RGS6: variants seen among roughly 807,000 people sequenced by gnomAD.
The protein encoded by RGS6 is regulator of G-protein signaling 6.
Under a neutral mutation model 78.5 loss-of-function variants are expected in RGS6, and 30 were observed. That is an observed-to-expected ratio of 0.38 (90% CI 0.29 to 0.52). The LOEUF is 0.52. RGS6 is among the 20% of genes least tolerant of loss of function. RGS6 has a pLI of 0.85. For synonymous variants in RGS6, 206 were observed against 206.0 expected, an observed-to-expected ratio of 1.00 and a Z score of 0.00; for missense variants, 495 against 609.7, an observed-to-expected ratio of 0.81 and a Z score of 1.98.
intron 3 of RGS6, among the ~76,000 whole-genome samples, chr14:72,396,524 G>C (rs1434696288): frequency 6.6e-6 from 1 of 152,016 alleles, no homozygotes; most frequent in Non-Finnish European, 1.5e-5. Flanking sequence ...GGTTTCTTTT[G>C]CTGTGCAGAA....
At chr14:72,608,115 G>A in the RGS6 span, among the ~76,000 whole-genome samples, 1 of 152,108 alleles carries the variant, frequency 6.6e-6, no homozygotes, top group African/African-American at 2.4e-5. Context: ...TTTCCCCCTT[G>A]ACCCCGTTCA....
At chr14:72,212,736 TGTA>T (rs1048032425) in intron 2 of RGS6, among the ~76,000 whole-genome samples, 22 of 152,186 alleles carry the variant, frequency 1.4e-4, no homozygotes, top group African/African-American at 5.3e-4. Flanking sequence ...TCTCTAGTCT[TGTA>T]GTTGGACACA....
chr14:72,126,361 T>C (rs958400597), intron 2 of RGS6, among the ~76,000 whole-genome samples: 1 of 152,228 alleles, frequency 6.6e-6, no homozygotes, highest in African/African-American at 2.4e-5. Context: ...GCCATTTGGC[T>C]TGTGTAGACT....
chr14:72,514,546 A>T (rs2096917339), intron 14 of RGS6, among the ~76,000 whole-genome samples: 5 of 152,196 alleles, frequency 3.3e-5, no homozygotes. Context: ...GTGGTATCTG[A>T]GCCCAGGCTG....
intron 3 of RGS6, among the ~76,000 whole-genome samples, chr14:72,447,566 G>A (rs2095396391): frequency 6.6e-6 from 1 of 152,198 alleles, no homozygotes; most frequent in African/African-American, 2.4e-5. Flanking sequence ...TTAGACACTT[G>A]GCTGGTATGA....
chr14:72,243,651 A>G (rs1227277743), intron 2 of RGS6, among the ~76,000 whole-genome samples: 1 of 152,204 alleles, frequency 6.6e-6, no homozygotes, highest in African/African-American at 2.4e-5. Flanking sequence ...TTTAGATTTA[A>G]TATGAAGGCA....
chr14:72,329,464 C>A (rs571647546), intron 2 of RGS6, among the ~76,000 whole-genome samples: 1 of 152,374 alleles, frequency 6.6e-6, no homozygotes, highest in South Asian at 2.1e-4. Flanking sequence ...AGCACAGAGG[C>A]AGGCGGCCTG....
At chr14:72,301,702 C>T (rs2066100270) in intron 2 of RGS6, among the ~76,000 whole-genome samples, 1 of 152,102 alleles carries the variant, frequency 6.6e-6, no homozygotes, top group African/African-American at 2.4e-5. Context: ...GAATCTGTGC[C>T]ACACCTCTTC....
In RGS6 at chr14:72,428,312, A is replaced by C. The variant is rs76767971; in HGVS notation, c.185-26216A>C. ...GTTACAGGTCACCTAATACATATTT[A>C]TGTATTAGTTGGATCAGAGGATGGA... On this transcript the variant is annotated intron_variant, in intron 3 of 17. Transcript: ENST00000553525. Among the ~76,000 whole-genome samples, 444 of 152,234 alleles carry C rather than the reference A, an allele frequency of 2.9e-3. 2 individuals are homozygous for C. The highest frequency in any genetic ancestry group is 0.01 in the African/African-American group (426 of 41,530).
chr14:72,056,964 G>A (rs1445577670), intron 2 of RGS6, among the ~76,000 whole-genome samples: 1 of 152,018 alleles, frequency 6.6e-6, no homozygotes, highest in African/African-American at 2.4e-5. Context: ...AAATGCTAAG[G>A]TATCATATGT....
intron 3 of RGS6, among the ~76,000 whole-genome samples, chr14:72,360,859 T>A (rs1291119203): frequency 6.6e-6 from 1 of 152,112 alleles, no homozygotes. Flanking sequence ...GGGAGATACC[T>A]GGTAAGAGGT....
chr14:72,510,347 ATC>A (rs5809578), intron 14 of RGS6, 68 bp downstream of exon 14: 1,273 of 1,167,810 alleles, frequency 1.1e-3, no homozygotes, highest in African/African-American at 1.9e-3. Flanking sequence ...CGGTCTCTCC[ATC>A]TCTCTCTCTC....
chr14:72,160,601 GT>G (rs1444963686), intron 2 of RGS6, among the ~76,000 whole-genome samples: 6 of 152,208 alleles, frequency 3.9e-5, no homozygotes, highest in Admixed American at 6.5e-5. Context: ...AGGTGATTAA[GT>G]TAAAGTGAAA....
chr14:71,901,910 A>G, the RGS6 span, among the ~76,000 whole-genome samples: 1 of 152,362 alleles, frequency 6.6e-6, no homozygotes, highest in Admixed American at 6.5e-5. Context: ...TAAAATGTGA[A>G]GAAAACCTTT....
intron 15 of RGS6, among the ~76,000 whole-genome samples, chr14:72,524,133 G>T (rs2097089903): frequency 6.6e-6 from 1 of 152,160 alleles, no homozygotes; most frequent in South Asian, 2.1e-4. Flanking sequence ...ACTCTCTGGG[G>T]TTTCGTAATT....
chr14:72,499,137 G>A (rs1273376767), intron 13 of RGS6, among the ~76,000 whole-genome samples: 1 of 152,074 alleles, frequency 6.6e-6, no homozygotes. Context: ...CCAACAAGTC[G>A]ACTCTTCTCC....
In RGS6 at chr14:72,047,123, C is replaced by T. The variant is rs375165896; in HGVS notation, c.84+82248C>T. ...GTAGACAGCTGTTCTTGTGACACGA[C>T]ATAATGCACACTGAGCACGGTGACA... is the stretch of plus-strand genomic sequence containing the variant. On this transcript the variant is annotated intron_variant, in intron 2 of 17. Coordinates refer to ENST00000553525, the MANE Select transcript of RGS6 (RefSeq NM_001204424.2). Among the ~76,000 whole-genome samples, 3 of 152,132 alleles carry T rather than the reference C, an allele frequency of 2.0e-5. No homozygotes were observed. In the East Asian group the frequency reaches 5.8e-4, roughly 29 times the overall value.
chr14:71,883,698 C>T, the RGS6 span, among the ~76,000 whole-genome samples: 16 of 152,224 alleles, frequency 1.1e-4, no homozygotes, highest in African/African-American at 3.9e-4. Flanking sequence ...CCAAAACCCA[C>T]TGAAACAAAG....
intron 3 of RGS6, among the ~76,000 whole-genome samples, chr14:72,354,597 T>A (rs1330521592): frequency 6.6e-6 from 1 of 151,758 alleles, no homozygotes; most frequent in Non-Finnish European, 1.5e-5. Context: ...GCCACTGCAC[T>A]CCAGCATGGG....
Sources: gnomAD v4.1 joint callset for allele counts (sites outside exome capture counted in the v4.1 genomes callset) on GRCh38, gnomAD v4.1.1 for gene constraint, MANE v1.5 for transcripts, NCBI Gene and HGNC (gene_info 2026-07-23, HGNC 2026-07-21) for gene names.